Variants in BTD observed in about 807,000 individuals in gnomAD.
BTD encodes the protein biocytinase.
A neutral mutation model predicts 17.7 loss-of-function variants in BTD; 13 were observed. The observed-to-expected ratio is 0.74, with a 90% CI of 0.48 to 1.17. BTD has a LOEUF of 1.17. BTD is among the 50% of genes most tolerant of loss of function. The probability of loss-of-function intolerance (pLI) is 0.00; values close to 1 mark genes in which losing one functional copy is unlikely to be tolerated. For synonymous variants in BTD, 240 were observed against 245.2 expected (o/e 0.98, Z 0.20); for missense variants, 674 against 650.4 (o/e 1.04, Z -0.39).
chr3:15,611,555 G>A (rs539042379), intron 1 of BTD, among the ~76,000 whole-genome samples: 127 of 152,244 alleles, frequency 8.3e-4, no homozygotes, highest in African/African-American at 2.8e-3. Flanking sequence ...TTTGAGGGTG[G>A]AGAATGGGAG....
At chr3:15,678,125 T>G (rs1354295697) in intron 3 of BTD, 1 of 1,325,066 alleles carries the variant, frequency 7.5e-7, no homozygotes, top group African/African-American at 1.5e-5. Context: ...AGATAACTAG[T>G]TGAAGTCAGA....
chr3:15,695,884 G>C (rs1401582373), intron 3 of BTD, among the ~76,000 whole-genome samples: 1 of 152,092 alleles, frequency 6.6e-6, no homozygotes, highest in Non-Finnish European at 1.5e-5. Context: ...GGCAGGAGAA[G>C]TAAATAGTGT....
intron 3 of BTD, among the ~76,000 whole-genome samples, chr3:15,690,626 G>T (rs962212661): frequency 1.3e-5 from 2 of 152,236 alleles, no homozygotes; most frequent in African/African-American, 4.8e-5. Flanking sequence ...GTCCAGTGGC[G>T]TGATCATAGC....
At chr3:15,700,299 G>A (rs1028260782) in intron 3 of BTD, among the ~76,000 whole-genome samples, 1 of 152,048 alleles carries the variant, frequency 6.6e-6, no homozygotes, top group African/African-American at 2.4e-5. Flanking sequence ...GCCTGTCCGG[G>A]GTGGGGGCCT....
intron 1 of BTD, among the ~76,000 whole-genome samples, chr3:15,615,918 T>C (rs372433667): frequency 6.6e-6 from 1 of 152,252 alleles, no homozygotes; most frequent in South Asian, 2.1e-4. Flanking sequence ...CTTTACAGAT[T>C]GGTTTCTTTC....
intron 1 of BTD, among the ~76,000 whole-genome samples, chr3:15,627,781 G>A (rs139221191): frequency 0.021 from 3,234 of 152,346 alleles, 213 homozygotes; most frequent in Admixed American, 0.12. Flanking sequence ...GAGTGCAATG[G>A]CACGATCTCG....
chr3:15,624,020 CTT>C, intron 1 of BTD, among the ~76,000 whole-genome samples: 1 of 152,314 alleles, frequency 6.6e-6, no homozygotes, highest in Admixed American at 6.5e-5. Flanking sequence ...CCTCTCAACA[CTT>C]TAAATATTTC....
At chr3:15,660,178 G>T (rs1171051305) in intron 3 of BTD, among the ~76,000 whole-genome samples, 2 of 152,288 alleles carry the variant, frequency 1.3e-5, no homozygotes, top group East Asian at 1.9e-4. Context: ...TAGGAGATTT[G>T]CCCAGGGTCA....
upstream of BTD, chr3:15,601,611 G>C: frequency 6.4e-7 from 1 of 1,566,694 alleles, no homozygotes; most frequent in Non-Finnish European, 8.6e-7. Flanking sequence ...CAACGGGAAG[G>C]AAGAGGCGGT....
intron 1 of BTD, among the ~76,000 whole-genome samples, chr3:15,612,029 A>T (rs2064651446): frequency 6.8e-6 from 1 of 147,630 alleles, no homozygotes; most frequent in African/African-American, 2.5e-5. Context: ...TCATTCTGTC[A>T]TTTTTCTGTT....
chr3:15,601,907 C>CGTGGTGCGGCGCGGAGGGGGT lies in BTD; in HGVS notation c.-17+19_-17+39dup. ...GCGCTAAGAGCAGGTACGGAGGGGG[C>CGTGGTGCGGCGCGGAGGGGGT]GTGGTGCGGCGCGGAGGGGGTGTGG... On this transcript the variant is annotated intron_variant, in intron 1 of 3. Transcript: ENST00000643237. The CGTGGTGCGGCGCGGAGGGGGT allele has an allele frequency of 2.5e-6, 4 of 1,613,190 alleles. No individual in the cohort carries two copies. Among genetic ancestry groups the CGTGGTGCGGCGCGGAGGGGGT allele is most frequent in the South Asian group, 2.2e-5 (2 of 91,028 alleles).
At chr3:15,625,713 G>A (rs1002715450) in intron 1 of BTD, among the ~76,000 whole-genome samples, 2 of 152,016 alleles carry the variant, frequency 1.3e-5, no homozygotes, top group African/African-American at 2.4e-5. Flanking sequence ...CCGCCCCCTC[G>A]CCCAGCTAAT....
chr3:15,654,496 C>T (rs1396590772), downstream of BTD, among the ~76,000 whole-genome samples: 1 of 151,996 alleles, frequency 6.6e-6, no homozygotes, highest in Admixed American at 6.6e-5. Context: ...GGAAAAATAA[C>T]AATTAAAAAA....
chr3:15,629,235 C>CT, intron 1 of BTD, among the ~76,000 whole-genome samples: 1 of 152,302 alleles, frequency 6.6e-6, no homozygotes, highest in Non-Finnish European at 1.5e-5. Flanking sequence ...ATACATTCCT[C>CT]TATCTTCTAC....
intron 1 of BTD, among the ~76,000 whole-genome samples, chr3:15,632,220 C>T (rs1559590541): frequency 6.6e-6 from 1 of 152,226 alleles, no homozygotes; most frequent in East Asian, 1.9e-4. Context: ...ACCACCTTCA[C>T]TGCCTCATTT....
intron 3 of BTD, chr3:15,676,724 A>G: frequency 3.0e-6 from 1 of 328,210 alleles, no homozygotes; most frequent in South Asian, 3.9e-5. Flanking sequence ...TCAGAAAATT[A>G]GGTAGGTGGA....
chr3:15,603,056 T>C (rs2064322702), intron 1 of BTD, among the ~76,000 whole-genome samples: 1 of 152,100 alleles, frequency 6.6e-6, no homozygotes, highest in Non-Finnish European at 1.5e-5. Context: ...TCATGAGACT[T>C]ACTATCATTA....
intron 1 of BTD, among the ~76,000 whole-genome samples, chr3:15,602,899 AAG>A (rs1329746630): frequency 1.3e-5 from 2 of 152,162 alleles, no homozygotes; most frequent in South Asian, 2.1e-4. Flanking sequence ...TATAAAGAAA[AAG>A]AGGTTTAATG....
intron 4 of BTD, among the ~76,000 whole-genome samples, chr3:15,720,323 A>T (rs1559402744): frequency 6.6e-6 from 1 of 152,154 alleles, no homozygotes; most frequent in Non-Finnish European, 1.5e-5. Flanking sequence ...ACATCCATAT[A>T]CATACCATCT....
Sources: allele counts gnomAD v4.1 joint callset (sites outside exome capture counted in the v4.1 genomes callset), GRCh38; gene constraint gnomAD v4.1.1; transcripts MANE v1.5; gene names NCBI Gene and HGNC (gene_info 2026-07-23, HGNC 2026-07-21).